DNHD1: variants seen among roughly 807,000 people sequenced by gnomAD.
DNHD1 encodes dynein heavy chain domain-containing protein 1.
DNHD1 carries 383 observed loss-of-function variants against 458.1 expected under a neutral mutation model. The observed-to-expected ratio is 0.84, with a 90% confidence interval of 0.77 to 0.91. The LOEUF is 0.91. Among genes scored for constraint, DNHD1 ranks in the 40% least tolerant of loss-of-function variants. The probability of loss-of-function intolerance (pLI) is 0.00; values close to 1 mark genes in which losing one functional copy is unlikely to be tolerated. For synonymous variants in DNHD1, 2,203 were observed against 2,376.9 expected (o/e 0.93, Z 2.13); for missense variants, 5,336 against 5,866.1 (o/e 0.91, Z 2.95).
chr11:6,559,245 A>G lies in DNHD1; in HGVS notation c.9481A>G (p.Ile3161Val), dbSNP rs1330961029. 6.4e-7 allele frequency: 1 copy of G among 1,551,642 alleles called. No individual in the cohort carries two copies. Among genetic ancestry groups the G allele is most frequent in the Admixed American group, 2.0e-5 (1 of 51,000 alleles). Residue 3161 changes from isoleucine to valine, a missense_variant, in exon 28 of 43, where the codon ATC becomes GTC. Physicochemically the swap from Ile to Val is conservative, Grantham distance 29. Coordinates refer to ENST00000254579, the MANE Select transcript of DNHD1 (RefSeq NM_144666.3). ...GGAGCACGGTACCCATGCCAATCTG[A>G]TCTTTGACTTGGAACAGCAGCTGAA... Reference protein sequence around the residue: ...IKEHGTHANLIFDLEQQLKDS... With the variant: ...IKEHGTHANLVFDLEQQLKDS...
chr11:6,511,350 C>T lies in DNHD1; in HGVS notation c.1313C>T (p.Thr438Met), dbSNP rs756531239. Residue 438 changes from threonine (T) to methionine (M), a missense_variant, in exon 7 of 43, where the codon ACG becomes ATG. This residue lies in a region of DNHD1 where 3,932 missense variants were observed against 4,365.6 expected (regional missense o/e 0.90). Transcript: ENST00000254579. ...TGCTATGAGCTGCTGGACCTGCAGA[C>T]GGCTCTAGCCGAGGAGAAGCATAAG... is the stretch of plus-strand genomic sequence containing the variant. ...DRCYELLDLQTALAEEKHKAL... is the reference protein window; with the variant it reads ...DRCYELLDLQMALAEEKHKAL... 1.4e-5 allele frequency: 22 copies of T among 1,614,126 alleles called. 1 individual carries two copies. The highest frequency in any genetic ancestry group is 1.0e-4 in the Admixed American group (6 of 60,004).
chr11:6,569,984 C>T, intron 39 of DNHD1, 25 bp from the exon 40 acceptor site: 1 of 1,604,790 alleles, frequency 6.2e-7, no homozygotes, highest in Non-Finnish European at 8.5e-7. Context: ...TATGTGAAAC[C>T]CTGCTTTCCG....
At chr11:6,559,366 C>G in intron 28 of DNHD1, 83 bp downstream of exon 28, 1 of 1,170,754 alleles carries the variant, frequency 8.5e-7, no homozygotes, top group Non-Finnish European at 1.2e-6. Flanking sequence ...CCAGAATGAA[C>G]CTTAATTCTT....
chr11:6,506,865 G>A (rs1852238832), intron 4 of DNHD1, among the ~76,000 whole-genome samples: 1 of 152,186 alleles, frequency 6.6e-6, no homozygotes, highest in South Asian at 2.1e-4. Context: ...TGTATCCTCA[G>A]GGCTTAGAAC....
Position 6,562,386 on chromosome 11 carries a change from G to A in DNHD1, c.9520-596G>A, listed in dbSNP as rs148749056. Among the ~76,000 whole-genome samples the A allele has an allele frequency of 1.1e-4, 17 of 152,280 alleles. No homozygotes were observed. In the East Asian group the frequency reaches 2.9e-3, roughly 26 times the overall value. On this transcript the variant is annotated intron_variant, in intron 28 of 42. Coordinates refer to ENST00000254579, the MANE Select transcript of DNHD1 (RefSeq NM_144666.3). ...GACCCCCAAGGGAAGATTTCCACTA[G>A]GCAAATGAATACACGGTATGGGGCA...
Position 6,534,166 on chromosome 11 carries a change from C to A in DNHD1, c.2991C>A (p.Ile997=). 1.9e-6 allele frequency: 3 copies of A among 1,550,924 alleles called. No homozygotes were observed. The highest frequency in any genetic ancestry group is 2.6e-6 in the Non-Finnish European group (3 of 1,146,840). ...GTGAACTGCACCACGCCTATGCCAT[C>A]TTCACTGGTACTGAGGATCCCTGCA... ...DLSELHHAYA[I]FTEDETPVPL... is the part of the protein sequence containing the mutation. Residue 997 remains isoleucine, a synonymous_variant, in exon 14 of 43, where the codon ATC becomes ATA. Coordinates refer to ENST00000254579, the MANE Select transcript of DNHD1 (RefSeq NM_144666.3).
rs780177086 is a variant in DNHD1 at position 6,566,707 on chromosome 11, G to A, written c.11327G>A (p.Arg3776His). Residue 3776 changes from arginine to histidine, a missense_variant, in exon 35 of 43, where the codon CGC becomes CAC. By Grantham distance (29) the Arg-to-His change is conservative. Coordinates refer to ENST00000254579, the MANE Select transcript of DNHD1 (RefSeq NM_144666.3). ...AGAGAGTATCCTGAACTCGAGACCC[G>A]CTGGCAGGACCTAAAGATCAGAGCC... is the stretch of plus-strand genomic sequence containing the variant. ...LCREYPELET[R>H]WQDLKIRALD... 1.2e-5 allele frequency: 19 copies of A among 1,612,016 alleles called. No individual in the cohort carries two copies. In the Admixed American group the frequency reaches 1.3e-4, roughly 11 times the overall value.
intron 10 of DNHD1, among the ~76,000 whole-genome samples, chr11:6,527,019 C>T (rs1852723429): frequency 6.6e-6 from 1 of 152,194 alleles, no homozygotes; most frequent in African/African-American, 2.4e-5. Flanking sequence ...TTTGACCCCA[C>T]CTACTTGTAT....
intron 7 of DNHD1, among the ~76,000 whole-genome samples, chr11:6,516,940 T>C (rs1380588059): frequency 1.3e-5 from 2 of 152,202 alleles, no homozygotes; most frequent in East Asian, 1.9e-4. Flanking sequence ...TCTTGTTTTA[T>C]AACCTACTCC....
rs143239025 is a variant in DNHD1, at chr11:6,533,933, A to G, written c.2758A>G (p.Ser920Gly). 4.6e-4 allele frequency: 706 copies of G among 1,551,370 alleles called. 2 individuals are homozygous for G. Among genetic ancestry groups the G allele is most frequent in the Non-Finnish European group, 5.7e-4 (649 of 1,146,930 alleles). ...DMWEAFQFEK[S>G]QASEFLLSKR... ...GTGGGAGGCATTTCAGTTTGAGAAA[A>G]GCCAGGCTTCAGAGTTCCTGCTCAG... is the stretch of plus-strand genomic sequence containing the variant. The change falls in exon 14 of 43, where the codon AGC becomes GGC. Residue 920 changes from serine to glycine, a missense_variant. Ser to Gly is a moderately conservative substitution (Grantham distance 56). Around this residue, in one of 4 missense-constraint regions of DNHD1, gnomAD observed 3,932 missense variants for 4,365.6 expected, o/e 0.90. Transcript: ENST00000254579.
Position 6,498,126 on chromosome 11 carries a change from G to A in DNHD1, c.-90G>A. ...CTCTGCTGGGCTGGCCCATGCAGGT[G>A]AGGCCCCGCATCTGGCATCCTGGAA... On this transcript the variant is annotated 5_prime_UTR_variant, in exon 3 of 43. Coordinates refer to ENST00000254579, the MANE Select transcript of DNHD1 (RefSeq NM_144666.3). 1.3e-6 allele frequency: 2 copies of A among 1,540,524 alleles called. No individual in the cohort carries two copies. Among genetic ancestry groups the A allele is most frequent in the Non-Finnish European group, 1.8e-6 (2 of 1,137,836 alleles).
chr11:6,502,295 A>G (rs1176438356), intron 3 of DNHD1, among the ~76,000 whole-genome samples: 1 of 152,178 alleles, frequency 6.6e-6, no homozygotes, highest in Non-Finnish European at 1.5e-5. Flanking sequence ...GAGATCATTC[A>G]GGGTTGGAAA....
At chr11:6,499,526 C>T (rs1023011974) in intron 3 of DNHD1, among the ~76,000 whole-genome samples, 1 of 152,126 alleles carries the variant, frequency 6.6e-6, no homozygotes, top group Non-Finnish European at 1.5e-5. Context: ...AGTGTGGGCA[C>T]TCTGGCCCCT....
intron 3 of DNHD1, among the ~76,000 whole-genome samples, chr11:6,500,126 A>G (rs2134361825): frequency 6.6e-6 from 1 of 152,114 alleles, no homozygotes; most frequent in East Asian, 1.9e-4. Flanking sequence ...CACCACGCTC[A>G]GCTGATTTTT....
intron 3 of DNHD1, among the ~76,000 whole-genome samples, chr11:6,500,626 A>G (rs1372009677): frequency 1.3e-5 from 2 of 152,220 alleles, no homozygotes; most frequent in Non-Finnish European, 2.9e-5. Flanking sequence ...GATGTTGGGA[A>G]GGGATCAAGT....
chr11:6,546,654 C>T lies in DNHD1; in HGVS notation c.5715C>T (p.Ala1905=). Residue 1905 remains alanine, a synonymous_variant, in exon 21 of 43, where the codon GCC becomes GCT. Transcript: ENST00000254579. ...GCCAGAAGCCTCGCAGCCTAGCTGC[C>T]ATTGAGGAGGCTGCCCTACTGCGCT... ...PKCQKPRSLA[A]IEEAALLRSP... 1.2e-6 allele frequency: 1 copy of T among 829,712 alleles called. No homozygotes were observed. The highest frequency in any genetic ancestry group is 1.8e-6 in the Non-Finnish European group (1 of 554,594). 51.4% of individuals were successfully genotyped at this position (829,712 alleles called of 1,614,324 possible).
rs1340565397 is a variant in DNHD1 at position 6,547,938 on chromosome 11, T to C, written c.6803T>C (p.Val2268Ala). 1.3e-6 allele frequency: 2 copies of C among 1,551,758 alleles called. No individual in the cohort carries two copies. The highest frequency in any genetic ancestry group is 1.4e-5 in the African/African-American group (1 of 73,034). ...AGCAGCTTTCTAAACCGGTCCCAGG[T>C]TGACAGTGACGATGTGCCAGATAAG... is the stretch of plus-strand genomic sequence containing the variant. ...SKSSFLNRSQVDSDDVPDKCR... is the reference protein window; with the variant it reads ...SKSSFLNRSQADSDDVPDKCR... The change falls in exon 22 of 43, where the codon GTT (valine) becomes GCT (alanine). Residue 2268 changes from valine (V) to alanine (A), a missense_variant. Physicochemically the swap from Val to Ala is moderately conservative, Grantham distance 64. Coordinates refer to ENST00000254579, the MANE Select transcript of DNHD1 (RefSeq NM_144666.3).
chr11:6,567,899 C>T (rs756883361), intron 36 of DNHD1, 39 bp downstream of exon 36: 17 of 1,555,360 alleles, frequency 1.1e-5, no homozygotes, highest in Middle Eastern at 1.7e-4. Flanking sequence ...TGACCAGGCT[C>T]CTGTGGGCTG....
Position 6,563,998 on chromosome 11 carries a change from G to A in DNHD1, c.10158G>A (p.Glu3386=). Residue 3386 remains glutamate (E), a synonymous_variant, in exon 31 of 43, where the codon GAG becomes GAA. Coordinates refer to ENST00000254579, the MANE Select transcript of DNHD1 (RefSeq NM_144666.3). ...ATTTGGCCCTGGCTAAGATGGTGGA[G>A]GATGCCCAAGCTTCCCACAACTGCG... ...EHNLALAKMV[E]DAQASHNCVA... is the part of the protein sequence containing the mutation. 1 of 1,551,750 alleles carries A rather than the reference G, an allele frequency of 6.4e-7. No homozygotes were observed. The highest frequency in any genetic ancestry group is 8.7e-7 in the Non-Finnish European group (1 of 1,147,000).
Sources: allele counts gnomAD v4.1 joint callset (sites outside exome capture counted in the v4.1 genomes callset), GRCh38; gene constraint gnomAD v4.1.1; regional missense constraint gnomAD v4.1.1; transcripts MANE v1.5; gene names NCBI Gene and HGNC (gene_info 2026-07-23, HGNC 2026-07-21).